TENM3: variants seen among roughly 807,000 people sequenced by gnomAD.
TENM3 encodes the protein teneurin transmembrane protein 3.
A neutral mutation model predicts 255.1 loss-of-function variants in TENM3; 63 were observed. The observed-to-expected ratio is 0.25, with a 90% CI of 0.20 to 0.30. TENM3 has a LOEUF of 0.30. Ranked by LOEUF, TENM3 falls within the 10% of genes least tolerant of loss-of-function variation. TENM3 has a pLI of 1.00. For synonymous variants in TENM3, 1,306 were observed against 1,322.3 expected (o/e 0.99, Z 0.27); for missense variants, 2,929 against 3,461.1 (o/e 0.85, Z 3.86).
At chr4:181,570,548 AAGAG>A in the TENM3 span, among the ~76,000 whole-genome samples, 81 of 151,486 alleles carry the variant, frequency 5.3e-4, no homozygotes, top group African/African-American at 1.8e-3. Context: ...AAAGAAAGAA[AAGAG>A]AGAGAGAAAA....
intron 3 of TENM3, among the ~76,000 whole-genome samples, chr4:182,401,973 T>C (rs983932433): frequency 4.6e-5 from 7 of 152,200 alleles, no homozygotes; most frequent in Non-Finnish European, 5.9e-5. Context: ...TACTTCACTG[T>C]AAGTCTTCTT....
intron 3 of TENM3, among the ~76,000 whole-genome samples, chr4:182,512,253 C>G (rs367572942): frequency 6.6e-6 from 1 of 152,096 alleles, no homozygotes; most frequent in African/African-American, 2.4e-5. Flanking sequence ...GGTACCAGGC[C>G]GAAAATGGGC....
At chr4:181,878,459 G>A in the TENM3 span, among the ~76,000 whole-genome samples, 1 of 152,136 alleles carries the variant, frequency 6.6e-6, no homozygotes, top group East Asian at 1.9e-4. Flanking sequence ...CGACTCTTTA[G>A]TTTCATAGTG....
chr4:181,704,296 T>C, the TENM3 span, among the ~76,000 whole-genome samples: 1 of 152,168 alleles, frequency 6.6e-6, no homozygotes, highest in Non-Finnish European at 1.5e-5. Context: ...TCTCCCTTCC[T>C]CCTGATTCTG....
At chr4:181,541,201 C>T in the TENM3 span, among the ~76,000 whole-genome samples, 1 of 151,724 alleles carries the variant, frequency 6.6e-6, no homozygotes, top group Non-Finnish European at 1.5e-5. Flanking sequence ...TAATGAGATT[C>T]TCTCTCTACA....
At chr4:181,979,918 T>G in the TENM3 span, among the ~76,000 whole-genome samples, 2 of 152,296 alleles carry the variant, frequency 1.3e-5, no homozygotes, top group South Asian at 4.1e-4. Flanking sequence ...GTGGTAGGTG[T>G]AGCCAAGGCT....
At chr4:181,727,317 A>G in the TENM3 span, among the ~76,000 whole-genome samples, 1 of 152,176 alleles carries the variant, frequency 6.6e-6, no homozygotes. Flanking sequence ...GGTGTGCTTG[A>G]AAGAGCTTGT....
chr4:181,955,666 AG>A, the TENM3 span, among the ~76,000 whole-genome samples: 1 of 152,232 alleles, frequency 6.6e-6, no homozygotes, highest in Non-Finnish European at 1.5e-5. Flanking sequence ...AAAGGGGCGC[AG>A]GTCCTAGATT....
At chr4:182,231,379 G>C (rs539892594) in intron 1 of TENM3, among the ~76,000 whole-genome samples, 1 of 152,078 alleles carries the variant, frequency 6.6e-6, no homozygotes, top group Non-Finnish European at 1.5e-5. Context: ...AAAGGAACGC[G>C]TAGAGGTATT....
At chr4:181,701,508 C>T in the TENM3 span, among the ~76,000 whole-genome samples, 1 of 152,020 alleles carries the variant, frequency 6.6e-6, no homozygotes, top group African/African-American at 2.4e-5. Context: ...AGCACTTTTA[C>T]CTGTATGGCA....
the TENM3 span, among the ~76,000 whole-genome samples, chr4:181,514,823 C>T: frequency 1.3e-5 from 2 of 152,258 alleles, no homozygotes; most frequent in African/African-American, 2.4e-5. Context: ...GGTAGCCACT[C>T]GGGAGGGCTG....
At chr4:181,797,166 CT>C in the TENM3 span, among the ~76,000 whole-genome samples, 35 of 146,488 alleles carry the variant, frequency 2.4e-4, no homozygotes, top group Admixed American at 3.4e-4. Context: ...ATCTTTTTTC[CT>C]TTTTTTTTTA....
At chr4:182,323,582 A>G (rs1456994722) in intron 1 of TENM3, among the ~76,000 whole-genome samples, 4 of 152,214 alleles carry the variant, frequency 2.6e-5, no homozygotes, top group African/African-American at 9.6e-5. Context: ...TGCTATAAAG[A>G]GAAAAAGCCA....
At chr4:182,601,302 A>C in intron 4 of TENM3, 141 bp downstream of exon 4, 1 of 699,662 alleles carries the variant, frequency 1.4e-6, no homozygotes, top group Non-Finnish European at 2.4e-6. Context: ...AAGCAGTTCC[A>C]GATTGTTGTG....
At chr4:181,759,223 A>G in the TENM3 span, among the ~76,000 whole-genome samples, 1 of 152,258 alleles carries the variant, frequency 6.6e-6, no homozygotes, top group African/African-American at 2.4e-5. Context: ...ATTAAGTAGT[A>G]TATAATATTA....
At chr4:182,093,836 G>A in the TENM3 span, among the ~76,000 whole-genome samples, 2 of 151,946 alleles carry the variant, frequency 1.3e-5, no homozygotes, top group South Asian at 2.1e-4. Context: ...AGGGGCCCAC[G>A]GTACTTTCAG....
chr4:182,491,598 G>A (rs531498842), intron 3 of TENM3, among the ~76,000 whole-genome samples: 22 of 152,194 alleles, frequency 1.4e-4, no homozygotes, highest in African/African-American at 1.9e-4. Flanking sequence ...GAAGGATTGC[G>A]TTGAAATTCT....
intron 3 of TENM3, among the ~76,000 whole-genome samples, chr4:182,563,461 G>C (rs1267455351): frequency 6.6e-6 from 1 of 151,884 alleles, no homozygotes; most frequent in Non-Finnish European, 1.5e-5. Flanking sequence ...GCTTAGAGAG[G>C]GGAAGGGGAA....
chr4:182,752,081 A>T (rs1762415294), intron 20 of TENM3, 49 bp downstream of exon 20: 1 of 1,168,198 alleles, frequency 8.6e-7, no homozygotes, highest in African/African-American at 1.6e-5. Flanking sequence ...ATTAAAAAAA[A>T]AAAAAAAGGG....
Sources: gnomAD v4.1 joint callset for allele counts (sites outside exome capture counted in the v4.1 genomes callset) on GRCh38, gnomAD v4.1.1 for gene constraint, MANE v1.5 for transcripts, NCBI Gene and HGNC (gene_info 2026-07-23, HGNC 2026-07-21) for gene names.